TMEM38B: variants seen among roughly 807,000 people sequenced by gnomAD.
The protein encoded by TMEM38B is transmembrane protein 38B, also known as trimeric intracellular cation channel type B.
A neutral mutation model predicts 28.7 loss-of-function variants in TMEM38B; 24 were observed. The ratio of observed to expected loss-of-function variants is 0.84; its 90% CI spans 0.61 to 1.18. The LOEUF is 1.18. TMEM38B is among the 50% of genes most tolerant of loss of function. The probability of loss-of-function intolerance (pLI) is 0.00; values close to 1 mark genes in which losing one functional copy is unlikely to be tolerated. For missense variants in TMEM38B, 380 were observed against 350.9 expected, an observed-to-expected ratio of 1.08 and a Z score of -0.66; for synonymous variants, 131 against 127.7, an observed-to-expected ratio of 1.03 and a Z score of -0.17.
intron 4 of TMEM38B, among the ~76,000 whole-genome samples, chr9:105,730,122 G>A (rs1212458679): frequency 6.6e-6 from 1 of 152,124 alleles, no homozygotes; most frequent in Non-Finnish European, 1.5e-5. Context: ...ATGTTGAATA[G>A]GAGTGGTGAG....
At chr9:105,769,894 A>G (rs1315419372) in intron 5 of TMEM38B, among the ~76,000 whole-genome samples, 1 of 152,124 alleles carries the variant, frequency 6.6e-6, no homozygotes, top group African/African-American at 2.4e-5. Context: ...GAGAAGGGAA[A>G]TCTAGAATGG....
rs967716377 is a variant in TMEM38B at position 105,694,566 on chromosome 9, G to T, written c.-95G>T. 4.6e-6 allele frequency: 4 copies of T among 860,850 alleles called. No individual in the cohort carries two copies. Among genetic ancestry groups the T allele is most frequent in the African/African-American group, 1.8e-5 (1 of 55,438 alleles). 53.3% of individuals were successfully genotyped at this position (860,850 alleles called of 1,614,324 possible). A position where few individuals can be genotyped will look rare whatever the true frequency, so the allele number is the denominator to read the frequency against. On this transcript the variant is annotated 5_prime_UTR_variant, in exon 1 of 6. Transcript: ENST00000374692. ...GGAGCTGGAGCCGGCGCGGAGGAGC[G>T]GGCGGCCGCGGCTGTGCCCTCTCCT...
At chr9:105,702,286 A>G (rs749522783) in intron 1 of TMEM38B, among the ~76,000 whole-genome samples, 35 of 151,390 alleles carry the variant, frequency 2.3e-4, no homozygotes, top group Non-Finnish European at 4.5e-4. Flanking sequence ...CTAATATGCA[A>G]TTTAAAAATA....
chr9:105,759,359 C>T (rs756097132), intron 5 of TMEM38B: 17 of 1,257,032 alleles, frequency 1.4e-5, no homozygotes, highest in Non-Finnish European at 1.4e-5. Context: ...GCCTTCTTCT[C>T]AGTCTGCTTC....
At chr9:105,762,858 G>GT (rs1471942751) in intron 5 of TMEM38B, among the ~76,000 whole-genome samples, 1 of 147,488 alleles carries the variant, frequency 6.8e-6, no homozygotes, top group African/African-American at 2.5e-5. Context: ...GGTTGAACTA[G>GT]TTTACAGTCC....
intron 5 of TMEM38B, among the ~76,000 whole-genome samples, chr9:105,767,755 T>C (rs1409439069): frequency 6.6e-6 from 1 of 152,214 alleles, no homozygotes; most frequent in East Asian, 1.9e-4. Context: ...TCTATGTACA[T>C]TGCTTGTAAG....
rs190628864 is a variant in TMEM38B, at chr9:105,754,511, C to T, written c.660+6321C>T. Among the ~76,000 whole-genome samples the T allele has an allele frequency of 3.4e-3, 514 of 152,292 alleles. 5 individuals are homozygous for T. Among genetic ancestry groups the T allele is most frequent in the African/African-American group, 0.012 (479 of 41,554 alleles). On this transcript the variant is annotated intron_variant, in intron 5 of 5. Coordinates refer to ENST00000374692, the MANE Select transcript of TMEM38B (RefSeq NM_018112.3). ...AGACAACTTCATGGAAATTGAACAA[C>T]CTGCTCCTGAACGACTCTTGGGTAA...
intron 1 of TMEM38B, among the ~76,000 whole-genome samples, chr9:105,695,175 C>A (rs997941557): frequency 6.6e-6 from 1 of 152,152 alleles, no homozygotes; most frequent in Non-Finnish European, 1.5e-5. Flanking sequence ...CGCAGTGTCG[C>A]CACTCGCTCG....
intron 5 of TMEM38B, among the ~76,000 whole-genome samples, chr9:105,754,427 A>C (rs1418027933): frequency 6.6e-6 from 1 of 152,212 alleles, no homozygotes; most frequent in Non-Finnish European, 1.5e-5. Context: ...TGAAATAATA[A>C]CAGTCTCTCA....
intron 4 of TMEM38B, among the ~76,000 whole-genome samples, chr9:105,735,232 A>T (rs1010627007): frequency 1.3e-5 from 2 of 151,962 alleles, no homozygotes; most frequent in Non-Finnish European, 2.9e-5. Context: ...TTACTTTTTT[A>T]CCTTTTGTGT....
Position 105,739,955 on chromosome 9 carries a change from T to C in TMEM38B, c.543-8118T>C, listed in dbSNP as rs143038642. On this transcript the variant is annotated intron_variant, in intron 4 of 5. Coordinates refer to ENST00000374692, the MANE Select transcript of TMEM38B (RefSeq NM_018112.3). Reference sequence around the variant, plus strand: ...TGGAGTGCAGTGGTGCGATCTTGGCTTACTGCACCCTCTGCCTTCCGGGTT... The same window carrying C: ...TGGAGTGCAGTGGTGCGATCTTGGCCTACTGCACCCTCTGCCTTCCGGGTT... Among the ~76,000 whole-genome samples, 1,021 of 152,050 alleles carry C rather than the reference T, an allele frequency of 6.7e-3. 4 individuals carry two copies. Among genetic ancestry groups the C allele is most frequent in the Middle Eastern group, 0.014 (4 of 294 alleles).
chr9:105,748,125 C>T lies in TMEM38B; in HGVS notation c.595C>T (p.Gln199Ter). ...GSVIFTFQHT[Q>*]HLAISKHNLM... ...AGTTATCTTCACATTCCAGCACACC[C>T]AGCATCTGGCAATATCAAAGCATAA... The change falls in exon 5 of 6, where the codon CAG (glutamine) becomes TAG (stop). Residue 199 changes from glutamine to a stop codon, truncating the protein, a stop_gained. Transcript: ENST00000374692. LOFTEE classifies it high-confidence loss of function. 2 of 1,613,656 alleles carry T rather than the reference C, an allele frequency of 1.2e-6. No individual in the cohort carries two copies. Among genetic ancestry groups the T allele is most frequent in the Non-Finnish European group, 8.5e-7 (1 of 1,179,720 alleles).
chr9:105,697,751 T>C (rs1415470618), intron 1 of TMEM38B, among the ~76,000 whole-genome samples: 2 of 152,174 alleles, frequency 1.3e-5, no homozygotes, highest in African/African-American at 2.4e-5. Flanking sequence ...TCTCATAATA[T>C]TTTTACTTTT....
At chr9:105,721,311 T>G (rs1305910519) in intron 2 of TMEM38B, among the ~76,000 whole-genome samples, 1 of 152,192 alleles carries the variant, frequency 6.6e-6, no homozygotes, top group South Asian at 2.1e-4. Context: ...GTCCACAGTT[T>G]ACATTCTTCT....
Position 105,766,847 on chromosome 9 carries a change from A to G in TMEM38B, c.661-7018A>G, listed in dbSNP as rs184897613. Among the ~76,000 whole-genome samples, 77 of 151,890 alleles carry G rather than the reference A, an allele frequency of 5.1e-4. 1 individual carries two copies. The East Asian group carries it at 0.011, about 22-fold the overall frequency. Reference sequence around the variant, plus strand: ...TGTTGGTGTGCTGCACCCATTAACTAGTCATTTACATTAGGTATATCTCTT... The same window carrying G: ...TGTTGGTGTGCTGCACCCATTAACTGGTCATTTACATTAGGTATATCTCTT... On this transcript the variant is annotated intron_variant, in intron 5 of 5. Coordinates refer to ENST00000374692, the MANE Select transcript of TMEM38B (RefSeq NM_018112.3).
intron 2 of TMEM38B, among the ~76,000 whole-genome samples, chr9:105,719,530 A>G (rs1836245171): frequency 6.6e-6 from 1 of 152,156 alleles, no homozygotes; most frequent in Non-Finnish European, 1.5e-5. Context: ...GTTTACTTGT[A>G]AGTCTACTGA....
intron 5 of TMEM38B, among the ~76,000 whole-genome samples, chr9:105,756,037 T>C (rs1008938236): frequency 6.6e-6 from 1 of 152,068 alleles, no homozygotes. Flanking sequence ...TCAAGACCAG[T>C]CTGGCCAACA....
chr9:105,744,660 T>C (rs1837325258), intron 4 of TMEM38B, among the ~76,000 whole-genome samples: 1 of 152,168 alleles, frequency 6.6e-6, no homozygotes, highest in Admixed American at 6.6e-5. Flanking sequence ...TATGTATACA[T>C]GTGCCATGTT....
Position 105,764,380 on chromosome 9 carries a change from A to G in TMEM38B, c.661-9485A>G, listed in dbSNP as rs1826272571. Among the ~76,000 whole-genome samples the G allele has an allele frequency of 3.3e-5, 5 of 152,282 alleles. No individual in the cohort carries two copies. In the South Asian group the frequency reaches 8.3e-4, roughly 25 times the overall value. On this transcript the variant is annotated intron_variant, in intron 5 of 5. Transcript: ENST00000374692. ...CCTTAAGCTGATAAGCAACTTCAGC[A>G]AAGTCTCAGGATACAAAATCAATGT...
Sources: gnomAD v4.1 joint callset for allele counts (sites outside exome capture counted in the v4.1 genomes callset) on GRCh38, gnomAD v4.1.1 for gene constraint, MANE v1.5 for transcripts, NCBI Gene and HGNC (gene_info 2026-07-23, HGNC 2026-07-21) for gene names.